ARHGAP30: variants seen among roughly 807,000 people sequenced by gnomAD.
ARHGAP30 encodes Rho GTPase activating protein 30, also known as rho GTPase-activating protein 30.
ARHGAP30 carries 23 observed loss-of-function variants against 72.0 expected under a neutral mutation model. That is an observed-to-expected ratio of 0.32 (90% confidence interval 0.23 to 0.45). ARHGAP30 has a LOEUF of 0.45. Among genes scored for constraint, ARHGAP30 ranks in the 20% least tolerant of loss-of-function variants. The pLI is 1.00. For missense variants in ARHGAP30, 1,319 were observed against 1,383.4 expected (o/e 0.95, Z 0.74); for synonymous variants, 576 against 528.2 (o/e 1.09, Z -1.24).
chr1:161,064,835 A>AAGAAAGAAAGAAAGAGAAAG, intron 1 of ARHGAP30, among the ~76,000 whole-genome samples: 1 of 73,138 alleles, frequency 1.4e-5, no homozygotes, highest in East Asian at 4.6e-4. Flanking sequence ...AAGAAAGAGA[A>AAGAAAGAAAGAAAGAGAAAG]AGAAAGAAAG....
At chr1:161,062,903 C>T (rs1285359829) in intron 1 of ARHGAP30, among the ~76,000 whole-genome samples, 1 of 152,024 alleles carries the variant, frequency 6.6e-6, no homozygotes, top group Admixed American at 6.5e-5. Flanking sequence ...CAACCTCCGC[C>T]TCCCAGGTTC....
In ARHGAP30 at chr1:161,048,981, C is replaced by G; in HGVS notation, c.2040G>C (p.Glu680Asp). ...TGGCCTTTCCAGCCTCCACCTTGGT[C>G]TCTGGACTTCCCTCTGCCTCTTCCC... is the stretch of plus-strand genomic sequence containing the variant. ...DIREEAEGSP[E>D]TKVEAGKASE... The change falls in exon 12 of 12, where the codon GAG (glutamate) becomes GAC (aspartate). Residue 680 changes from glutamate (E) to aspartate (D), a missense_variant. By Grantham distance (45) the Glu-to-Asp change is conservative. This residue lies in a region of ARHGAP30 where 1,097 missense variants were observed against 1,045.2 expected (regional missense o/e 1.05). Transcript: ENST00000368013. 3.1e-6 allele frequency: 5 copies of G among 1,613,870 alleles called. No individual in the cohort carries two copies. Among genetic ancestry groups the G allele is most frequent in the Non-Finnish European group, 4.2e-6 (5 of 1,180,038 alleles).
Position 161,048,974 on chromosome 1 carries a change from C to T in ARHGAP30, c.2047G>A (p.Val683Met), listed in dbSNP as rs749846719. The change falls in exon 12 of 12, where the codon GTG becomes ATG. Residue 683 changes from valine to methionine, a missense_variant. Physicochemically the swap from Val to Met is conservative, Grantham distance 21. This residue lies in a region of ARHGAP30 where 1,097 missense variants were observed against 1,045.2 expected (regional missense o/e 1.05). Transcript: ENST00000368013. ...EEAEGSPETK[V>M]EAGKASEDRG... ...TCCTCACTGGCCTTTCCAGCCTCCACCTTGGTCTCTGGACTTCCCTCTGCC... is the reference window on the plus strand; with the variant it reads ...TCCTCACTGGCCTTTCCAGCCTCCATCTTGGTCTCTGGACTTCCCTCTGCC... 8 of 1,613,808 alleles carry T rather than the reference C, an allele frequency of 5.0e-6. No individual in the cohort carries two copies. The South Asian group carries it at 7.7e-5, about 16-fold the overall frequency.
intron 2 of ARHGAP30, among the ~76,000 whole-genome samples, chr1:161,058,211 C>T (rs776848760): frequency 9.9e-5 from 15 of 151,870 alleles, no homozygotes; most frequent in Non-Finnish European, 2.1e-4. Context: ...ACTCGGGAGG[C>T]TGAGGCAGGA....
intron 1 of ARHGAP30, chr1:161,060,035 C>A: frequency 3.0e-6 from 1 of 331,646 alleles, no homozygotes; most frequent in Non-Finnish European, 6.0e-6. Context: ...TAAGCCAGCA[C>A]CTTGAGAGGC....
chr1:161,055,086 G>T (rs1651723259), intron 3 of ARHGAP30, among the ~76,000 whole-genome samples: 1 of 152,184 alleles, frequency 6.6e-6, no homozygotes, highest in East Asian at 1.9e-4. Context: ...GGACTGAGCA[G>T]GGTGCTGCTA....
intron 1 of ARHGAP30, among the ~76,000 whole-genome samples, chr1:161,066,009 C>T (rs780251255): frequency 1.3e-4 from 20 of 151,426 alleles, no homozygotes; most frequent in Non-Finnish European, 2.6e-4. Flanking sequence ...GGACTACAGG[C>T]GCACACCACC....
chr1:161,064,837 GAAAGAAA>G (rs1557935506), intron 1 of ARHGAP30, among the ~76,000 whole-genome samples: 5 of 99,498 alleles, frequency 5.0e-5, no homozygotes, highest in South Asian at 3.1e-4. Flanking sequence ...GAAAGAGAAA[GAAAGAAA>G]GAAAGGAAAG....
chr1:161,054,286 G>T, intron 5 of ARHGAP30, 80 bp downstream of exon 5: 1 of 1,312,906 alleles, frequency 7.6e-7, no homozygotes, highest in Non-Finnish European at 1.1e-6. Flanking sequence ...TACCCACACA[G>T]TCACACCTCA....
chr1:161,054,541 A>G (rs547020218), intron 4 of ARHGAP30, 68 bp from the exon 5 acceptor site: 1 of 1,597,570 alleles, frequency 6.3e-7, no homozygotes, highest in African/African-American at 1.3e-5. Flanking sequence ...GGGACCTGGG[A>G]GCAGTAGGAC....
chr1:161,057,665 T>A (rs1651977192), intron 2 of ARHGAP30, among the ~76,000 whole-genome samples: 2 of 151,982 alleles, frequency 1.3e-5, no homozygotes, highest in Admixed American at 1.3e-4. Context: ...AGAACAAAAG[T>A]AACTCAAATA....
rs577515038 is a variant in ARHGAP30, at chr1:161,066,438, G to A, written c.97+3090C>T. ...GAGGCGAGTGGATCACCTGAGCTCA[G>A]GAGTTCAAGACTAGCCTGGCCAACA... On this transcript the variant is annotated intron_variant, in intron 1 of 11. Coordinates refer to ENST00000368013, the MANE Select transcript of ARHGAP30 (RefSeq NM_001025598.2). 1.9e-4 allele frequency among the ~76,000 whole-genome samples: 29 copies of A among 151,072 alleles called. 1 individual carries two copies. The highest frequency in any genetic ancestry group is 3.8e-4 in the Non-Finnish European group (26 of 67,826).
intron 1 of ARHGAP30, chr1:161,060,200 G>A (rs760045355): frequency 2.2e-6 from 1 of 452,848 alleles, no homozygotes; most frequent in East Asian, 7.0e-5. Flanking sequence ...AGGATCACCT[G>A]AGCCCAGGAG....
At chr1:161,054,208 C>A (rs865778086) in intron 5 of ARHGAP30, among the ~76,000 whole-genome samples, 158 bp downstream of exon 5, 1 of 152,158 alleles carries the variant, frequency 6.6e-6, no homozygotes, top group African/African-American at 2.4e-5. Context: ...TGGGGCCCAT[C>A]CGACCCACCA....
At chr1:161,050,521 C>G (rs1472466987) in intron 10 of ARHGAP30, among the ~76,000 whole-genome samples, 1 of 151,938 alleles carries the variant, frequency 6.6e-6, no homozygotes, top group African/African-American at 2.4e-5. Context: ...GTTGACCAGG[C>G]TGGTCTCGAA....
intron 10 of ARHGAP30, 43 bp from the exon 11 acceptor site, chr1:161,049,732 C>T (rs751427963): frequency 1.3e-6 from 2 of 1,586,730 alleles, no homozygotes; most frequent in Middle Eastern, 1.7e-4. Context: ...AGGTCAAGCC[C>T]TGACCCTTTT....
At position 161,063,964 on chromosome 1, in the gene ARHGAP30, G is replaced by A. The variant is rs1346319886; in HGVS notation, c.98-4248C>T. Among the ~76,000 whole-genome samples the A allele has an allele frequency of 2.0e-5, 3 of 152,204 alleles. No homozygotes were observed. In the East Asian group the frequency reaches 5.8e-4, roughly 29 times the overall value. On this transcript the variant is annotated intron_variant, in intron 1 of 11. Coordinates refer to ENST00000368013, the MANE Select transcript of ARHGAP30 (RefSeq NM_001025598.2). ...CTCAAAACCTGTCTCCTGATAAGATGTTATCAATGACAGTGGTGCCCAAAA... is the reference window on the plus strand; with the variant it reads ...CTCAAAACCTGTCTCCTGATAAGATATTATCAATGACAGTGGTGCCCAAAA...
chr1:161,048,470 C>T lies in ARHGAP30; in HGVS notation c.2551G>A (p.Ala851Thr). The T allele has an allele frequency of 2.5e-6, 4 of 1,614,170 alleles. No homozygotes were observed. Among genetic ancestry groups the T allele is most frequent in the Non-Finnish European group, 3.4e-6 (4 of 1,180,026 alleles). ...TCCTCTTCTAAATAGTACCCTCCAG[C>T]CCTCTGGTCTCCCTCAGCCTCTCCA... Reference protein sequence around the residue: ...GDGEAEGDQRAGGYYLEEDTL... With the variant: ...GDGEAEGDQRTGGYYLEEDTL... The change falls in exon 12 of 12, where the codon GCT (alanine) becomes ACT (threonine). Residue 851 changes from alanine to threonine, a missense_variant. Ala to Thr is a moderately conservative substitution (Grantham distance 58). Around this residue, in one of 2 missense-constraint regions of ARHGAP30, gnomAD observed 1,097 missense variants for 1,045.2 expected, o/e 1.05. Transcript: ENST00000368013.
intron 2 of ARHGAP30, among the ~76,000 whole-genome samples, chr1:161,057,766 A>G (rs552221068): frequency 7.4e-4 from 113 of 152,316 alleles, no homozygotes; most frequent in Middle Eastern, 6.8e-3. Flanking sequence ...TGTAATCCCA[A>G]CACGTTGGGA....
Sources: allele counts gnomAD v4.1 joint callset (sites outside exome capture counted in the v4.1 genomes callset), GRCh38; gene constraint gnomAD v4.1.1; regional missense constraint gnomAD v4.1.1; transcripts MANE v1.5; gene names NCBI Gene and HGNC (gene_info 2026-07-23, HGNC 2026-07-21).